The following CNOT10 variants were observed in gnomAD, a reference collection of about 807,000 sequenced individuals.
CNOT10 encodes CCR4-NOT transcription complex subunit 10.
Under a neutral mutation model 94.6 loss-of-function variants are expected in CNOT10, and 30 were observed. The ratio of observed to expected loss-of-function variants is 0.32; its 90% CI spans 0.24 to 0.43. The LOEUF is 0.43. Ranked by LOEUF, CNOT10 falls within the 20% of genes least tolerant of loss-of-function variation. The pLI, the probability that CNOT10 is intolerant of heterozygous loss-of-function variation, is 1.00. For synonymous variants in CNOT10, 289 were observed against 301.6 expected (o/e 0.96, Z 0.43); for missense variants, 759 against 877.2 (o/e 0.87, Z 1.70).
intron 13 of CNOT10, among the ~76,000 whole-genome samples, chr3:32,743,279 C>A (rs771287403): frequency 1.3e-5 from 2 of 152,010 alleles, no homozygotes; most frequent in African/African-American, 2.4e-5. Flanking sequence ...GAGCCACCCA[C>A]CCAGCTTAAT....
intron 13 of CNOT10, among the ~76,000 whole-genome samples, chr3:32,757,170 ATTTTTTTT>A (rs1173513009): frequency 1.7e-4 from 13 of 78,294 alleles, no homozygotes; most frequent in Non-Finnish European, 2.1e-4. Flanking sequence ...CCCTGAACTA[ATTTTTTTT>A]TTTTTTTTTT....
chr3:32,737,302 A>G (rs1020565449), intron 12 of CNOT10, 108 bp from the exon 13 acceptor site: 73 of 689,550 alleles, frequency 1.1e-4, no homozygotes, highest in Middle Eastern at 4.1e-4. Flanking sequence ...GCGACGAGCA[A>G]AACTCTGTCT....
intron 8 of CNOT10, among the ~76,000 whole-genome samples, chr3:32,723,206 A>G (rs1698500957): frequency 6.6e-6 from 1 of 151,964 alleles, no homozygotes; most frequent in African/African-American, 2.4e-5. Flanking sequence ...ATCCTGACTA[A>G]CACGGTGAAA....
Position 32,695,966 on chromosome 3 carries a change from AGAGTGTGT to A in CNOT10, c.23-7900_23-7893del, listed in dbSNP as rs1193952079. The A allele has an allele frequency of 3.7e-4, 226 of 616,718 alleles. 2 individuals are homozygous for A. Among genetic ancestry groups the A allele is most frequent in the Middle Eastern group, 1.8e-3 (4 of 2,184 alleles). 38.2% of individuals were successfully genotyped at this position (616,718 alleles called of 1,614,324 possible). A position where few individuals can be genotyped will look rare whatever the true frequency, so the allele number is the denominator to read the frequency against. On this transcript the variant is annotated intron_variant, in intron 1 of 18. Transcript: ENST00000328834. ...GAAAATAAAAATAATCCTGTTGAAG[AGAGTGTGT>A]GTGTGTGTGTGTGTGTGTGTGTGTG...
intron 5 of CNOT10, among the ~76,000 whole-genome samples, chr3:32,714,812 A>C (rs975569023): frequency 2.6e-5 from 4 of 152,082 alleles, no homozygotes; most frequent in Non-Finnish European, 5.9e-5. Flanking sequence ...TTTTTCTTTT[A>C]TTTGTGCTTC....
In CNOT10 at chr3:32,760,855, G is replaced by A. The variant is rs146030112; in HGVS notation, c.1709+1284G>A. On this transcript the variant is annotated intron_variant, in intron 14 of 18. Transcript: ENST00000328834. ...TTTTTTTAAGTAATTAAGGCCAGGCGCTGTGGCTCACACCTGTAATCCCAG... is the reference window on the plus strand; with the variant it reads ...TTTTTTTAAGTAATTAAGGCCAGGCACTGTGGCTCACACCTGTAATCCCAG... Among the ~76,000 whole-genome samples, 285 of 151,528 alleles carry A rather than the reference G, an allele frequency of 1.9e-3. 1 individual carries two copies. The highest frequency in any genetic ancestry group is 6.6e-3 in the African/African-American group (273 of 41,254).
At chr3:32,730,190 T>A (rs905486820) in intron 10 of CNOT10, among the ~76,000 whole-genome samples, 11 of 152,180 alleles carry the variant, frequency 7.2e-5, no homozygotes, top group African/African-American at 2.7e-4. Flanking sequence ...GGGAGTTACC[T>A]TTTTCTGGGA....
At chr3:32,688,090 A>G (rs1559472166) in intron 1 of CNOT10, among the ~76,000 whole-genome samples, 1 of 152,170 alleles carries the variant, frequency 6.6e-6, no homozygotes, top group Non-Finnish European at 1.5e-5. Flanking sequence ...GATTTAAATG[A>G]AGTAAGACAG....
intron 5 of CNOT10, chr3:32,715,943 C>G: frequency 4.3e-6 from 1 of 234,924 alleles, no homozygotes; most frequent in East Asian, 9.7e-5. Flanking sequence ...GTAGCTGGGA[C>G]TACAGGTACA....
Position 32,737,327 on chromosome 3 carries a change from G to T in CNOT10, c.1515-83G>T. 4 of 912,852 alleles carry T rather than the reference G, an allele frequency of 4.4e-6. No individual in the cohort carries two copies. In the Admixed American group the frequency reaches 9.4e-5, roughly 21 times the overall value. 56.5% of individuals were successfully genotyped at this position (912,852 alleles called of 1,614,324 possible). On this transcript the variant is annotated intron_variant, in intron 12 of 18. Coordinates refer to ENST00000328834, the MANE Select transcript of CNOT10 (RefSeq NM_015442.3). Reference sequence around the variant, plus strand: ...AAACTCTGTCTCAAAAAAAAAGTTGGGAGTAAGGACAGGGAAACAAAATTT... The same window carrying T: ...AAACTCTGTCTCAAAAAAAAAGTTGTGAGTAAGGACAGGGAAACAAAATTT...
intron 5 of CNOT10, chr3:32,715,963 T>G: frequency 3.5e-6 from 1 of 281,998 alleles, no homozygotes; most frequent in East Asian, 7.3e-5. Flanking sequence ...ATGGCCACCA[T>G]GCCCAGCTAA....
At chr3:32,721,747 C>T (rs563511344) in intron 8 of CNOT10, among the ~76,000 whole-genome samples, 26 of 150,608 alleles carry the variant, frequency 1.7e-4, no homozygotes, top group Admixed American at 1.1e-3. Flanking sequence ...CCTGGGTTCG[C>T]GACATTCTCC....
intron 4 of CNOT10, among the ~76,000 whole-genome samples, chr3:32,709,247 T>G (rs1395149991): frequency 6.6e-6 from 1 of 152,182 alleles, no homozygotes; most frequent in African/African-American, 2.4e-5. Context: ...CAGAGTTAGT[T>G]TTTTGCTATC....
At chr3:32,738,515 T>G (rs1022935336) in intron 13 of CNOT10, among the ~76,000 whole-genome samples, 1 of 151,130 alleles carries the variant, frequency 6.6e-6, no homozygotes, top group Non-Finnish European at 1.5e-5. Flanking sequence ...CAGGCTGGAG[T>G]GCAGTGGCGC....
At chr3:32,763,679 C>G (rs914187916) in intron 15 of CNOT10, among the ~76,000 whole-genome samples, 4 of 151,846 alleles carry the variant, frequency 2.6e-5, no homozygotes. Flanking sequence ...ATAATTAAAG[C>G]TATGTGACAT....
chr3:32,690,393 G>C (rs897613293), intron 1 of CNOT10, among the ~76,000 whole-genome samples: 9 of 151,930 alleles, frequency 5.9e-5, no homozygotes, highest in African/African-American at 1.9e-4. Context: ...TTTTTGTTTT[G>C]TTTTGTTTTG....
chr3:32,699,115 G>T (rs889289702), intron 1 of CNOT10, among the ~76,000 whole-genome samples: 1 of 152,128 alleles, frequency 6.6e-6, no homozygotes, highest in African/African-American at 2.4e-5. Context: ...TGCTCCTGTT[G>T]TCTAGGCAGT....
chr3:32,738,122 G>A (rs530578422), intron 13 of CNOT10, among the ~76,000 whole-genome samples: 4 of 152,254 alleles, frequency 2.6e-5, no homozygotes, highest in African/African-American at 9.6e-5. Context: ...AAGAGTCTGT[G>A]TAAGATAGGT....
chr3:32,695,962 GA>G (rs1253446132), intron 1 of CNOT10: 78 of 617,226 alleles, frequency 1.3e-4, no homozygotes, highest in Admixed American at 2.8e-4. Context: ...TAATCCTGTT[GA>G]AGAGAGTGTG....
Sources: allele counts gnomAD v4.1 joint callset (sites outside exome capture counted in the v4.1 genomes callset), GRCh38; gene constraint gnomAD v4.1.1; transcripts MANE v1.5; gene names NCBI Gene and HGNC (gene_info 2026-07-23, HGNC 2026-07-21).